SLC24A2: variants seen among roughly 807,000 people sequenced by gnomAD.
SLC24A2 encodes solute carrier family 24 member 2.
A neutral mutation model predicts 62.0 loss-of-function variants in SLC24A2; 36 were observed. That is an observed-to-expected ratio of 0.58 (90% CI 0.44 to 0.77). The LOEUF is 0.77. Among genes scored for constraint, SLC24A2 ranks in the 30% least tolerant of loss-of-function variants. The pLI, the probability that SLC24A2 is intolerant of heterozygous loss-of-function variation, is 0.00. For synonymous variants in SLC24A2, 358 were observed against 294.0 expected, an observed-to-expected ratio of 1.22 and a Z score of -2.23; for missense variants, 846 against 817.9, an observed-to-expected ratio of 1.03 and a Z score of -0.42.
chr9:20,174,165 G>A, the SLC24A2 span, among the ~76,000 whole-genome samples: 11 of 152,126 alleles, frequency 7.2e-5, no homozygotes, highest in East Asian at 1.9e-3. Context: ...AATGAAACTA[G>A]ATCCTCATCT....
In SLC24A2 at chr9:19,543,088, T is replaced by G. The variant is rs192723042; in HGVS notation, c.1479+7049A>C. On this transcript the variant is annotated intron_variant, in intron 8 of 10. Transcript: ENST00000341998. ...TTCTGGACTTTGGTAGGCTATTAAT[T>G]ACTGCCTCAATTTCAGAAGTTGTTA... Among the ~76,000 whole-genome samples the G allele has an allele frequency of 5.9e-5, 9 of 152,344 alleles. No individual in the cohort carries two copies. In the East Asian group the frequency reaches 1.5e-3, roughly 26 times the overall value.
the SLC24A2 span, among the ~76,000 whole-genome samples, chr9:19,947,428 A>G: frequency 2.6e-5 from 4 of 151,742 alleles, 1 homozygote; most frequent in Admixed American, 2.6e-4. Context: ...GGAAGGAAGG[A>G]AAGAAAGAAG....
chr9:19,984,783 A>G, the SLC24A2 span, among the ~76,000 whole-genome samples: 1 of 152,122 alleles, frequency 6.6e-6, no homozygotes, highest in Non-Finnish European at 1.5e-5. Flanking sequence ...TCAATAGCAA[A>G]AGAATAGTCT....
chr9:19,711,770 T>C (rs561201972), intron 2 of SLC24A2, among the ~76,000 whole-genome samples: 1 of 152,206 alleles, frequency 6.6e-6, no homozygotes, highest in Non-Finnish European at 1.5e-5. Context: ...TACTCATACC[T>C]TAGAACAAAA....
At chr9:20,032,731 A>T in the SLC24A2 span, among the ~76,000 whole-genome samples, 1 of 152,318 alleles carries the variant, frequency 6.6e-6, no homozygotes, top group South Asian at 2.1e-4. Context: ...TTTTGCCCTT[A>T]GAGTTTCTTG....
chr9:20,048,616 G>GA, the SLC24A2 span, among the ~76,000 whole-genome samples: 1 of 152,110 alleles, frequency 6.6e-6, no homozygotes, highest in Non-Finnish European at 1.5e-5. Context: ...ACAGGGAAGT[G>GA]AAAATCTGAA....
At chr9:19,815,226 A>G in the SLC24A2 span, among the ~76,000 whole-genome samples, 10 of 152,162 alleles carry the variant, frequency 6.6e-5, no homozygotes, top group Admixed American at 4.6e-4. Flanking sequence ...GATTAAGAGA[A>G]AAAAGTAGTG....
chr9:19,774,157 A>G (rs958496547), intron 2 of SLC24A2, among the ~76,000 whole-genome samples: 1 of 152,196 alleles, frequency 6.6e-6, no homozygotes, highest in African/African-American at 2.4e-5. Flanking sequence ...GAAGGGACTC[A>G]GAGCAAAAGA....
chr9:20,241,653 A>G, the SLC24A2 span, among the ~76,000 whole-genome samples: 1 of 151,814 alleles, frequency 6.6e-6, no homozygotes, highest in African/African-American at 2.4e-5. Context: ...CCTTGAGAGA[A>G]AATAAAGATA....
At chr9:20,192,373 G>T in the SLC24A2 span, among the ~76,000 whole-genome samples, 1 of 149,188 alleles carries the variant, frequency 6.7e-6, no homozygotes, top group Non-Finnish European at 1.5e-5. Context: ...TTTAAATTGG[G>T]AAGATATATA....
chr9:20,127,532 A>T, the SLC24A2 span, among the ~76,000 whole-genome samples: 1 of 152,132 alleles, frequency 6.6e-6, no homozygotes, highest in Non-Finnish European at 1.5e-5. Flanking sequence ...TTTAATCCCC[A>T]GTTTCATCTC....
chr9:20,034,803 T>C, the SLC24A2 span, among the ~76,000 whole-genome samples: 170 of 152,294 alleles, frequency 1.1e-3, 4 homozygotes, highest in East Asian at 0.017. Context: ...AGATACTGTT[T>C]AAAATGGAAC....
At chr9:19,998,661 A>G in the SLC24A2 span, among the ~76,000 whole-genome samples, 1 of 152,196 alleles carries the variant, frequency 6.6e-6, no homozygotes, top group African/African-American at 2.4e-5. Flanking sequence ...TGCTTTCAGC[A>G]TCAATCAGAT....
At chr9:19,936,031 G>A in the SLC24A2 span, among the ~76,000 whole-genome samples, 2 of 152,120 alleles carry the variant, frequency 1.3e-5, no homozygotes, top group East Asian at 1.9e-4. Flanking sequence ...ATTCACTTGA[G>A]TATGAGGGTA....
chr9:19,673,643 T>C (rs1168713328), intron 2 of SLC24A2, among the ~76,000 whole-genome samples: 1 of 152,176 alleles, frequency 6.6e-6, no homozygotes, highest in Non-Finnish European at 1.5e-5. Flanking sequence ...ACAGATGCAG[T>C]TTCGCTATGT....
the SLC24A2 span, among the ~76,000 whole-genome samples, chr9:20,053,660 G>A: frequency 2.0e-5 from 3 of 152,148 alleles, no homozygotes; most frequent in Admixed American, 6.5e-5. Context: ...ACAGACCCCA[G>A]AGACCTCCCT....
chr9:20,248,222 G>T, the SLC24A2 span, among the ~76,000 whole-genome samples: 1 of 152,174 alleles, frequency 6.6e-6, no homozygotes, highest in Admixed American at 6.5e-5. Flanking sequence ...CAAGGAACCC[G>T]TATGGGAGCT....
intron 2 of SLC24A2, among the ~76,000 whole-genome samples, chr9:19,719,936 G>C (rs900423483): frequency 1.3e-5 from 2 of 152,092 alleles, no homozygotes; most frequent in Non-Finnish European, 2.9e-5. Flanking sequence ...AGCTTTCATG[G>C]TCTCAGTCTT....
At chr9:19,736,856 G>T (rs558834604) in intron 2 of SLC24A2, among the ~76,000 whole-genome samples, 1 of 152,114 alleles carries the variant, frequency 6.6e-6, no homozygotes, top group South Asian at 2.1e-4. Context: ...TGTCTTAAAA[G>T]AAATAATCTT....
Sources: allele counts gnomAD v4.1 joint callset (sites outside exome capture counted in the v4.1 genomes callset), GRCh38; gene constraint gnomAD v4.1.1; transcripts MANE v1.5; gene names NCBI Gene and HGNC (gene_info 2026-07-23, HGNC 2026-07-21).